Variants in NRXN1 observed in about 807,000 individuals in gnomAD.
NRXN1 encodes the protein neurexin-1.
Under a neutral mutation model 150.9 loss-of-function variants are expected in NRXN1, and 39 were observed. That is an observed-to-expected ratio of 0.26 (90% CI 0.20 to 0.34). NRXN1 has a LOEUF of 0.34. Among genes scored for constraint, NRXN1 ranks in the 10% least tolerant of loss-of-function variants. NRXN1 has a pLI of 1.00. For synonymous variants in NRXN1, 924 were observed against 757.0 expected (o/e 1.22, Z -3.62); for missense variants, 1,815 against 1,949.9 (o/e 0.93, Z 1.30).
chr2:50,416,155 T>C (rs2083525338), intron 17 of NRXN1, among the ~76,000 whole-genome samples: 2 of 152,152 alleles, frequency 1.3e-5, no homozygotes, highest in South Asian at 4.2e-4. Flanking sequence ...CTAAGCTATA[T>C]AATAAGATCA....
intron 18 of NRXN1, among the ~76,000 whole-genome samples, chr2:50,115,882 C>T (rs1162082963): frequency 6.6e-6 from 1 of 152,102 alleles, no homozygotes; most frequent in Admixed American, 6.6e-5. Flanking sequence ...TATAAGCAGT[C>T]TGTCTTTTTA....
intron 12 of NRXN1, among the ~76,000 whole-genome samples, chr2:50,511,091 C>T (rs1477304687): frequency 2.6e-5 from 4 of 151,760 alleles, no homozygotes; most frequent in Admixed American, 6.6e-5. Flanking sequence ...GACAGAATCT[C>T]GCTCTGTTGC....
chr2:50,377,803 A>C (rs1390506188), intron 17 of NRXN1, among the ~76,000 whole-genome samples: 1 of 152,186 alleles, frequency 6.6e-6, no homozygotes, highest in Non-Finnish European at 1.5e-5. Flanking sequence ...TTAGAAGGGC[A>C]AAATTGTGAG....
intron 16 of NRXN1, among the ~76,000 whole-genome samples, chr2:50,468,202 T>G (rs917921961): frequency 2.0e-5 from 3 of 151,580 alleles, no homozygotes; most frequent in African/African-American, 7.3e-5. Context: ...TTTCAAAAAT[T>G]ATCAGAAATG....
chr2:50,065,811 T>C (rs1437231171), intron 19 of NRXN1, among the ~76,000 whole-genome samples: 2 of 152,176 alleles, frequency 1.3e-5, no homozygotes, highest in African/African-American at 2.4e-5. Flanking sequence ...TTTTTGGACG[T>C]TGAACCTCTC....
At chr2:50,624,401 C>T (rs1163182990) in intron 5 of NRXN1, among the ~76,000 whole-genome samples, 1 of 152,066 alleles carries the variant, frequency 6.6e-6, no homozygotes, top group Non-Finnish European at 1.5e-5. Flanking sequence ...CTGCTGACAA[C>T]AATGGATTCC....
intron 17 of NRXN1, among the ~76,000 whole-genome samples, chr2:50,267,913 G>T (rs1286746404): frequency 6.6e-6 from 1 of 152,164 alleles, no homozygotes; most frequent in Non-Finnish European, 1.5e-5. Context: ...TTTAAGGCCA[G>T]GCACAGCGGC....
chr2:50,510,765 T>G lies in NRXN1; in HGVS notation c.2375-4148A>C, dbSNP rs112662561. The stretch of plus-strand genomic sequence containing the variant: ...GAGAGAAGACTGAGATTTTGAAATT[T>G]TCTATTTTCATTAAAATGTGTTTTC... On this transcript the variant is annotated intron_variant, in intron 12 of 22. Coordinates refer to ENST00000401669, the MANE Select transcript of NRXN1 (RefSeq NM_001330078.2). Among the ~76,000 whole-genome samples, 415 of 152,274 alleles carry G rather than the reference T, an allele frequency of 2.7e-3. 3 individuals are homozygous for G. Among genetic ancestry groups the G allele is most frequent in the Middle Eastern group, 0.024 (7 of 294 alleles).
At chr2:50,883,421 CTT>C (rs11388531) in intron 5 of NRXN1, among the ~76,000 whole-genome samples, 11,647 of 143,946 alleles carry the variant, frequency 0.081, 548 homozygotes, top group South Asian at 0.12. Context: ...ACATTTACAT[CTT>C]TTTTTTTTTT....
At chr2:50,521,348 G>A (rs12990124) in intron 12 of NRXN1, among the ~76,000 whole-genome samples, 125,532 of 152,018 alleles carry the variant, frequency 0.83, 52,036 homozygotes, top group Non-Finnish European at 0.86. Context: ...GGGAAGTGCA[G>A]TTGGAGAGTG....
intron 18 of NRXN1, among the ~76,000 whole-genome samples, chr2:50,210,400 C>T (rs1330958367): frequency 6.6e-6 from 1 of 151,682 alleles, no homozygotes; most frequent in Non-Finnish European, 1.5e-5. Flanking sequence ...AAAGTTAAAT[C>T]TCATTAATAT....
chr2:50,276,204 TA>T (rs1033329909), intron 17 of NRXN1, among the ~76,000 whole-genome samples: 1 of 152,072 alleles, frequency 6.6e-6, no homozygotes, highest in Non-Finnish European at 1.5e-5. Context: ...CTTAATTTTT[TA>T]TATTATTGCA....
At chr2:50,784,876 G>A (rs1296151280) in intron 5 of NRXN1, among the ~76,000 whole-genome samples, 1 of 152,032 alleles carries the variant, frequency 6.6e-6, no homozygotes, top group Non-Finnish European at 1.5e-5. Context: ...TCTCTCCAGG[G>A]GCGTCTGAAA....
intron 8 of NRXN1, among the ~76,000 whole-genome samples, chr2:50,573,742 A>AAAT (rs3052541): frequency 0.49 from 73,109 of 148,004 alleles, 18,364 homozygotes; most frequent in East Asian, 0.81. Flanking sequence ...AGATATTTGA[A>AAAT]AATAATAATA....
chr2:50,667,453 A>T (rs917627473), intron 5 of NRXN1, among the ~76,000 whole-genome samples: 1 of 151,984 alleles, frequency 6.6e-6, no homozygotes, highest in Non-Finnish European at 1.5e-5. Context: ...CAGTATATCA[A>T]TTTCTGTGAA....
intron 17 of NRXN1, among the ~76,000 whole-genome samples, chr2:50,276,234 C>T (rs1444605812): frequency 6.6e-6 from 1 of 151,884 alleles, no homozygotes; most frequent in African/African-American, 2.4e-5. Flanking sequence ...TTCACCTTAT[C>T]AAAACCACAC....
intron 18 of NRXN1, among the ~76,000 whole-genome samples, chr2:50,184,367 G>A (rs6545154): frequency 0.011 from 1,653 of 152,038 alleles, 37 homozygotes; most frequent in African/African-American, 0.038. Context: ...CTCAGTCATT[G>A]AGAAAAGTAC....
intron 17 of NRXN1, 52 bp from the exon 18 acceptor site, chr2:50,237,022 T>A (rs764488386): frequency 1.5e-5 from 23 of 1,547,162 alleles, no homozygotes; most frequent in Non-Finnish European, 2.0e-5. Flanking sequence ...AGTCTGCACA[T>A]TAGCAAGGCA....
intron 18 of NRXN1, among the ~76,000 whole-genome samples, chr2:50,206,052 TA>T (rs1338789118): frequency 3.3e-5 from 5 of 152,022 alleles, no homozygotes; most frequent in Admixed American, 6.6e-5. Flanking sequence ...ACACATTGAG[TA>T]AATCACATTG....
Sources: gnomAD v4.1 joint callset for allele counts (sites outside exome capture counted in the v4.1 genomes callset) on GRCh38, gnomAD v4.1.1 for gene constraint, MANE v1.5 for transcripts, NCBI Gene and HGNC (gene_info 2026-07-23, HGNC 2026-07-21) for gene names.